Variants in CDYL2 observed in about 807,000 individuals in gnomAD.
CDYL2 encodes chromodomain Y like 2.
A neutral mutation model predicts 49.4 loss-of-function variants in CDYL2; 23 were observed. The ratio of observed to expected loss-of-function variants is 0.47; its 90% CI spans 0.34 to 0.66. CDYL2 has a LOEUF of 0.66. Ranked by LOEUF, CDYL2 falls within the 30% of genes least tolerant of loss-of-function variation. CDYL2 has a pLI of 0.01. For synonymous variants in CDYL2, 360 were observed against 268.8 expected (o/e 1.34, Z -3.32); for missense variants, 678 against 656.4 (o/e 1.03, Z -0.36).
At chr16:80,698,572 G>A (rs1197582288) in intron 1 of CDYL2, among the ~76,000 whole-genome samples, 2 of 152,132 alleles carry the variant, frequency 1.3e-5, no homozygotes, top group Non-Finnish European at 2.9e-5. Context: ...GGTGGGGCTT[G>A]GTAGGACGTG....
intron 1 of CDYL2, among the ~76,000 whole-genome samples, chr16:80,716,242 T>A (rs1363084464): frequency 6.6e-6 from 1 of 152,268 alleles, no homozygotes; most frequent in East Asian, 1.9e-4. Flanking sequence ...TATATGCTAT[T>A]TCCTTCCAAG....
At position 80,620,900 on chromosome 16, in the gene CDYL2, T is replaced by C. The variant is rs1473885945; in HGVS notation, c.870A>G (p.Ala290=). The C allele has an allele frequency of 6.2e-7, 1 of 1,609,660 alleles. No individual in the cohort carries two copies. The highest frequency in any genetic ancestry group is 1.7e-5 in the Admixed American group (1 of 59,616). ...GCAGCAGTTTGCTGTCGTCTGTGGC[T>C]GCGTTGCAGAGCGCTCGCCGGACTT... is the stretch of plus-strand genomic sequence containing the variant. ...MKEVRRALCN[A]ATDDSKLLLL... Residue 290 remains alanine (A), a synonymous_variant, in exon 4 of 7, where the codon GCA becomes GCG. Transcript: ENST00000570137.
intron 3 of CDYL2, among the ~76,000 whole-genome samples, chr16:80,631,170 G>A (rs1231517273): frequency 6.6e-6 from 1 of 152,150 alleles, no homozygotes; most frequent in Non-Finnish European, 1.5e-5. Context: ...TAGCCCAGTT[G>A]GGTTGTTTAA....
In CDYL2 at chr16:80,601,357, A is replaced by C. The variant is rs1357957163; in HGVS notation, c.*3031T>G. The stretch of plus-strand genomic sequence containing the variant: ...GGTCCCTGACTAAAGAGGTGTCCTC[A>C]ATTGCCCACCCACAGCTATTCTTTC... On this transcript the variant is annotated 3_prime_UTR_variant, in exon 7 of 7. Coordinates refer to ENST00000570137, the MANE Select transcript of CDYL2 (RefSeq NM_152342.4). 6.6e-6 allele frequency: 1 copy of C among 152,226 alleles called. No homozygotes were observed. The highest frequency in any genetic ancestry group is 1.5e-5 in the Non-Finnish European group (1 of 68,062). 9.4% of individuals were successfully genotyped at this position (152,226 alleles called of 1,614,324 possible). A position where few individuals can be genotyped will look rare whatever the true frequency, so the allele number is the denominator to read the frequency against.
At chr16:80,759,832 C>A (rs944414045) in intron 1 of CDYL2, among the ~76,000 whole-genome samples, 2 of 152,146 alleles carry the variant, frequency 1.3e-5, no homozygotes, top group African/African-American at 4.8e-5. Flanking sequence ...AGGAAACTAC[C>A]AGGGGAATTC....
intron 1 of CDYL2, among the ~76,000 whole-genome samples, chr16:80,690,523 T>C (rs1567572826): frequency 6.6e-6 from 1 of 152,046 alleles, no homozygotes; most frequent in Non-Finnish European, 1.5e-5. Context: ...ATATAGAGGA[T>C]AAAACTGAGG....
chr16:80,705,158 G>T (rs1227334031), intron 1 of CDYL2, among the ~76,000 whole-genome samples: 1 of 152,200 alleles, frequency 6.6e-6, no homozygotes, highest in African/African-American at 2.4e-5. Flanking sequence ...AGGGCAGAAG[G>T]GAGCACCAAA....
intron 4 of CDYL2, among the ~76,000 whole-genome samples, chr16:80,618,379 C>T (rs1304569395): frequency 6.6e-6 from 1 of 152,190 alleles, no homozygotes; most frequent in Admixed American, 6.5e-5. Context: ...CGCACAGATA[C>T]CACGCAGCAG....
At position 80,618,246 on chromosome 16, in the gene CDYL2, G is replaced by A. The variant is rs73590438; in HGVS notation, c.1007+2517C>T. Among the ~76,000 whole-genome samples, 580 of 151,866 alleles carry A rather than the reference G, an allele frequency of 3.8e-3. 3 individuals are homozygous for A. The highest frequency in any genetic ancestry group is 0.014 in the African/African-American group (568 of 41,118). On this transcript the variant is annotated intron_variant, in intron 4 of 6. Transcript: ENST00000570137. The stretch of plus-strand genomic sequence containing the variant: ...CATGTTTCCCCAGAACTACTCAGCT[G>A]GGAAAGTCAGGAGCCAGTTTGGGCC...
At chr16:80,801,938 C>G (rs999795431) in intron 1 of CDYL2, among the ~76,000 whole-genome samples, 2 of 152,086 alleles carry the variant, frequency 1.3e-5, no homozygotes, top group Non-Finnish European at 2.9e-5. Context: ...TGCAATTTAG[C>G]CCTTTTAGTA....
chr16:80,771,769 T>G (rs1906913348), intron 1 of CDYL2, among the ~76,000 whole-genome samples: 1 of 151,962 alleles, frequency 6.6e-6, no homozygotes, highest in Non-Finnish European at 1.5e-5. Context: ...AGAGCAGATT[T>G]CTAGAAGTAA....
At chr16:80,658,658 T>C (rs1908910341) in intron 2 of CDYL2, among the ~76,000 whole-genome samples, 1 of 152,154 alleles carries the variant, frequency 6.6e-6, no homozygotes, top group South Asian at 2.1e-4. Flanking sequence ...TTGGTAAGAA[T>C]TCATGATTTT....
At chr16:80,627,832 A>G (rs1907370554) in intron 3 of CDYL2, 2 of 152,246 alleles carry the variant, frequency 1.3e-5, no homozygotes, top group Non-Finnish European at 2.9e-5. Flanking sequence ...TATGTCCTGT[A>G]CATTCATTGC....
In CDYL2 at chr16:80,600,193, T is replaced by C. The variant is rs1482024855; in HGVS notation, c.*4195A>G. 1 of 152,118 alleles carries C rather than the reference T, an allele frequency of 6.6e-6. No individual in the cohort carries two copies. Among genetic ancestry groups the C allele is most frequent in the Non-Finnish European group, 1.5e-5 (1 of 68,026 alleles). 9.4% of individuals were successfully genotyped at this position (152,118 alleles called of 1,614,324 possible). On this transcript the variant is annotated 3_prime_UTR_variant, in exon 7 of 7. Transcript: ENST00000570137. ...GAAATTATACTTCAAACGCAATTACTTCGAAAAAAGATTAACCTGCTCTCC... is the reference window on the plus strand; with the variant it reads ...GAAATTATACTTCAAACGCAATTACCTCGAAAAAAGATTAACCTGCTCTCC...
chr16:80,740,131 A>G (rs1309789441), intron 1 of CDYL2, among the ~76,000 whole-genome samples: 1 of 152,200 alleles, frequency 6.6e-6, no homozygotes. Flanking sequence ...AGGATTGACA[A>G]CCACATGGAC....
At chr16:80,614,659 T>C (rs1906746854) in intron 4 of CDYL2, among the ~76,000 whole-genome samples, 1 of 151,658 alleles carries the variant, frequency 6.6e-6, no homozygotes, top group Admixed American at 6.6e-5. Flanking sequence ...AGGTCAGGAG[T>C]TCTAGACCAG....
intron 1 of CDYL2, among the ~76,000 whole-genome samples, chr16:80,794,855 C>T (rs530827564): frequency 1.3e-5 from 2 of 152,088 alleles, no homozygotes; most frequent in Admixed American, 6.5e-5. Flanking sequence ...TCAGGTGATC[C>T]GCCCATCTTG....
chr16:80,790,456 A>G (rs112771675), intron 1 of CDYL2, among the ~76,000 whole-genome samples: 54 of 152,306 alleles, frequency 3.5e-4, no homozygotes, highest in African/African-American at 1.1e-3. Context: ...TTTGCATCCT[A>G]AAGGCAGCTA....
chr16:80,605,450 T>C (rs144756905), intron 6 of CDYL2, among the ~76,000 whole-genome samples: 26 of 148,850 alleles, frequency 1.7e-4, no homozygotes, highest in African/African-American at 5.1e-4. Context: ...AGTGTTACTA[T>C]GATGATTACT....
Sources: allele counts gnomAD v4.1 joint callset (sites outside exome capture counted in the v4.1 genomes callset), GRCh38; gene constraint gnomAD v4.1.1; transcripts MANE v1.5; gene names NCBI Gene and HGNC (gene_info 2026-07-23, HGNC 2026-07-21).